The following SPIB variants were observed in gnomAD, a reference collection of about 807,000 sequenced individuals.
SPIB encodes the protein transcription factor Spi-B.
A neutral mutation model predicts 31.9 loss-of-function variants in SPIB; 7 were observed. The observed-to-expected ratio is 0.22, with a 90% CI of 0.12 to 0.41. The LOEUF is 0.41. Ranked by LOEUF, SPIB falls within the 10% of genes least tolerant of loss-of-function variation. SPIB has a pLI of 1.00. For synonymous variants in SPIB, 176 were observed against 158.9 expected (o/e 1.11, Z -0.81); for missense variants, 327 against 360.2 (o/e 0.91, Z 0.75).
Position 50,423,731 on chromosome 19 carries a change from C to G in SPIB, c.466C>G (p.Pro156Ala), listed in dbSNP as rs375839428. ...SESDEALVAG[P>A]EGKGSEAGTR... Reference sequence around the variant, plus strand: ...GTCGGATGAGGCCCTCGTGGCTGGCCCCGAGGGGAAGGGATCCGAGGCAGG... The same window carrying G: ...GTCGGATGAGGCCCTCGTGGCTGGCGCCGAGGGGAAGGGATCCGAGGCAGG... Residue 156 changes from proline (P) to alanine (A), a missense_variant, in exon 5 of 6, where the codon CCC becomes GCC. By Grantham distance (27) the Pro-to-Ala change is conservative. Coordinates refer to ENST00000595883, the MANE Select transcript of SPIB (RefSeq NM_003121.5). The G allele has an allele frequency of 1.9e-6, 3 of 1,611,262 alleles. No homozygotes were observed. Among genetic ancestry groups the G allele is most frequent in the Admixed American group, 1.7e-5 (1 of 59,536 alleles).
intron 2 of SPIB, 124 bp from the exon 3 acceptor site, chr19:50,422,349 A>G (rs910332520): frequency 1.4e-6 from 1 of 710,622 alleles, no homozygotes; most frequent in South Asian, 1.9e-5. Flanking sequence ...TTGTTGCTCT[A>G]ATCTCTCCAG....
chr19:50,419,660 C>T (rs1323245231), intron 1 of SPIB, among the ~76,000 whole-genome samples: 2 of 152,218 alleles, frequency 1.3e-5, no homozygotes, highest in African/African-American at 4.8e-5. Context: ...CTCTCCATCC[C>T]CACACCTCCT....
chr19:50,427,168 C>G (rs536745306), intron 5 of SPIB, among the ~76,000 whole-genome samples: 1 of 152,002 alleles, frequency 6.6e-6, no homozygotes, highest in East Asian at 2.0e-4. Flanking sequence ...GTCACCACCC[C>G]AAGGTCACAC....
intron 1 of SPIB, among the ~76,000 whole-genome samples, chr19:50,419,443 C>G (rs2039457855): frequency 6.6e-6 from 1 of 152,160 alleles, no homozygotes; most frequent in Admixed American, 6.5e-5. Flanking sequence ...CTCAGTGCCT[C>G]CATCTGGGGC....
chr19:50,422,365 C>T lies in SPIB; in HGVS notation c.52-108C>T, dbSNP rs530458177. The stretch of plus-strand genomic sequence containing the variant: ...TGTTGCTCTAATCTCTCCAGCATCC[C>T]CTCTTCTCTCCCATGTCTGTGTTGG... On this transcript the variant is annotated intron_variant, in intron 2 of 5. Coordinates refer to ENST00000595883, the MANE Select transcript of SPIB (RefSeq NM_003121.5). 5.6e-4 allele frequency: 477 copies of T among 845,190 alleles called. 11 individuals are homozygous for T. In the South Asian group the frequency reaches 7.6e-3, roughly 13 times the overall value. 52.4% of individuals were successfully genotyped at this position (845,190 alleles called of 1,614,324 possible).
chr19:50,428,142 C>T lies in SPIB; in HGVS notation c.595C>T (p.Gln199Ter). 6.3e-7 allele frequency: 1 copy of T among 1,587,270 alleles called. No homozygotes were observed. Among genetic ancestry groups the T allele is most frequent in the Non-Finnish European group, 8.6e-7 (1 of 1,166,662 alleles). Residue 199 changes from glutamine (Q) to a stop codon, truncating the protein, a stop_gained, in exon 6 of 6, where the codon CAG becomes TAG. Coordinates refer to ENST00000595883, the MANE Select transcript of SPIB (RefSeq NM_003121.5). LOFTEE classifies it high-confidence loss of function. The surrounding 1 kb of genome is among the most constrained non-coding windows in gnomAD (Gnocchi z 6.5). ...WWVEPGAGVF[Q>*]FSSKHKELLA... ...GGTGGAGCCAGGCGCCGGCGTCTTC[C>T]AGTTCTCCTCCAAGCACAAGGAACT...
chr19:50,427,340 C>T (rs372283355), intron 5 of SPIB, among the ~76,000 whole-genome samples: 1 of 152,190 alleles, frequency 6.6e-6, no homozygotes, highest in Non-Finnish European at 1.5e-5. Flanking sequence ...GCCTGGCCAA[C>T]ATGGCGAAAC....
At position 50,428,056 on chromosome 19, in the gene SPIB, G is replaced by A; in HGVS notation, c.509G>A (p.Arg170His). The A allele has an allele frequency of 6.5e-7, 1 of 1,549,992 alleles. No individual in the cohort carries two copies. The highest frequency in any genetic ancestry group is 8.7e-7 in the Non-Finnish European group (1 of 1,143,966). ...ACCGCAGGGACTCGCAAGAAGCTGC[G>A]CCTGTACCAGTTCCTGCTGGGGCTA... ...GSEAGTRKKL[R>H]LYQFLLGLLT... Residue 170 changes from arginine (R) to histidine (H), a missense_variant, in exon 6 of 6, where the codon CGC becomes CAC. Arg to His is a conservative substitution (Grantham distance 29). Transcript: ENST00000595883. The surrounding 1 kb of genome is among the most constrained non-coding windows in gnomAD (Gnocchi z 6.5).
At chr19:50,421,463 C>T (rs2039493090) in intron 2 of SPIB, among the ~76,000 whole-genome samples, 1 of 151,944 alleles carries the variant, frequency 6.6e-6, no homozygotes, top group Non-Finnish European at 1.5e-5. Flanking sequence ...GCTGGGACTA[C>T]AGGTGCGCAC....
At chr19:50,419,100 A>T in intron 1 of SPIB, 115 bp downstream of exon 1, 106 of 1,262,172 alleles carry the variant, frequency 8.4e-5, no homozygotes, top group Non-Finnish European at 1.1e-4. Flanking sequence ...GTGGGAGTGG[A>T]GGGGAGGGGT....
chr19:50,426,157 T>A (rs943842215), intron 5 of SPIB, among the ~76,000 whole-genome samples: 1 of 152,052 alleles, frequency 6.6e-6, no homozygotes, highest in Non-Finnish European at 1.5e-5. Flanking sequence ...TGCAGTGAGC[T>A]GAGATCATGC....
Position 50,430,301 on chromosome 19 carries a change from G to A in SPIB, c.*1965G>A, listed in dbSNP as rs2039624931. The A allele has an allele frequency of 6.6e-6, 1 of 152,190 alleles. No homozygotes were observed. Among genetic ancestry groups the A allele is most frequent in the Admixed American group, 6.6e-5 (1 of 15,232 alleles). 9.4% of individuals were successfully genotyped at this position (152,190 alleles called of 1,614,324 possible). On this transcript the variant is annotated 3_prime_UTR_variant, in exon 6 of 6. Transcript: ENST00000595883. ...GGGTGGACTATGGAGCCCTGGTTGG[G>A]ACCCCCAGGGAGTCAAAGGCTGCGG...
Position 50,428,037 on chromosome 19 carries a change from G to GGGACTC in SPIB, c.492_497dup (p.Thr165_Arg166dup), listed in dbSNP as rs768599051. The stretch of plus-strand genomic sequence containing the variant: ...AACGCGTGCCCCCGACCCCACCGCA[G>GGGACTC]GGACTCGCAAGAAGCTGCGCCTGTA... On this transcript the variant is annotated inframe_insertion and splice_region_variant. Transcript: ENST00000595883. The surrounding 1 kb of genome is among the most constrained non-coding windows in gnomAD (Gnocchi z 6.5). The GGGACTC allele has an allele frequency of 6.6e-7, 1 of 1,515,634 alleles. No homozygotes were observed. Among genetic ancestry groups the GGGACTC allele is most frequent in the Non-Finnish European group, 8.9e-7 (1 of 1,125,090 alleles). The allele number at this position is 1,515,634 out of a possible 1,614,324, so 93.9% of individuals were successfully genotyped here.
intron 2 of SPIB, among the ~76,000 whole-genome samples, chr19:50,421,222 A>G (rs988889461): frequency 3.9e-5 from 6 of 152,346 alleles, no homozygotes; most frequent in African/African-American, 1.4e-4. Flanking sequence ...TGAGACTGCC[A>G]GGTCCTAGGC....
chr19:50,423,461 G>C (rs1673031), intron 4 of SPIB, 144 bp from the exon 5 acceptor site: 45 of 1,085,712 alleles, frequency 4.1e-5, no homozygotes, highest in Non-Finnish European at 5.7e-5. Context: ...TGGCCACAGC[G>C]TGGTGATCTG....
In SPIB at chr19:50,419,850, C is replaced by T. The variant is rs1196828311; in HGVS notation, c.24-96C>T. 3.0e-6 allele frequency: 4 copies of T among 1,331,554 alleles called. No individual in the cohort carries two copies. The African/African-American group carries it at 4.6e-5, about 15-fold the overall frequency. 82.5% of individuals were successfully genotyped at this position (1,331,554 alleles called of 1,614,324 possible). A position where few individuals can be genotyped will look rare whatever the true frequency, so the allele number is the denominator to read the frequency against. The stretch of plus-strand genomic sequence containing the variant: ...GTCCCTCACACAGGGCTGCGGTGGT[C>T]ACAGCTGCTGCCGCCTCCCCATCAG... On this transcript the variant is annotated intron_variant, in intron 1 of 5. Transcript: ENST00000595883.
At position 50,427,987 on chromosome 19, in the gene SPIB, G is replaced by A. The variant is rs1438692801; in HGVS notation, c.491-51G>A. 21 of 1,447,450 alleles carry A rather than the reference G, an allele frequency of 1.5e-5. No homozygotes were observed. The South Asian group carries it at 2.6e-4, about 18-fold the overall frequency. 89.7% of individuals were successfully genotyped at this position (1,447,450 alleles called of 1,614,324 possible). On this transcript the variant is annotated intron_variant, in intron 5 of 5. Transcript: ENST00000595883. ...TCTCGGAGGAGGGTGGATGGGGAAG[G>A]CGGGGCCTTAGGGACCCCTCACCTA...
At chr19:50,419,048 T>G in intron 1 of SPIB, 63 bp downstream of exon 1, 2 of 1,527,838 alleles carry the variant, frequency 1.3e-6, no homozygotes, top group Non-Finnish European at 1.8e-6. Context: ...CTGTGGGGCC[T>G]CACCCATGGG....
intron 5 of SPIB, 47 bp downstream of exon 5, chr19:50,423,802 G>T (rs76521311): frequency 0.1 from 162,734 of 1,560,694 alleles, 9,392 homozygotes; most frequent in South Asian, 0.19. Context: ...TGGAGATGGT[G>T]GGGGGGCTGA....
Sources: allele counts gnomAD v4.1 joint callset (sites outside exome capture counted in the v4.1 genomes callset), GRCh38; gene constraint gnomAD v4.1.1; non-coding constraint Gnocchi (gnomAD v3.1); transcripts MANE v1.5; gene names NCBI Gene and HGNC (gene_info 2026-07-23, HGNC 2026-07-21).